The following PVT1 variants were observed in gnomAD, a reference collection of about 807,000 sequenced individuals.
PVT1 encodes Pvt1 oncogene.
intron 3 of PVT1, among the ~76,000 whole-genome samples, chr8:127,910,807 T>C (rs1466477767): frequency 9.9e-5 from 15 of 152,132 alleles, no homozygotes; most frequent in Admixed American, 9.8e-4. Context: ...CTGCTGAAAG[T>C]GGCTTGCTGG....
At chr8:127,827,914 G>A (rs910387032) in intron 2 of PVT1, among the ~76,000 whole-genome samples, 1 of 152,130 alleles carries the variant, frequency 6.6e-6, no homozygotes, top group Non-Finnish European at 1.5e-5. Context: ...CATCTGGTGA[G>A]CCAGGCTGTT....
chr8:128,096,001 A>C (rs1232013463), intron 5 of PVT1, among the ~76,000 whole-genome samples: 1 of 152,206 alleles, frequency 6.6e-6, no homozygotes, highest in Admixed American at 6.5e-5. Flanking sequence ...AATTGCTGGT[A>C]TATTCATTAG....
At chr8:127,953,265 G>A (rs1816528839) in intron 3 of PVT1, among the ~76,000 whole-genome samples, 2 of 152,140 alleles carry the variant, frequency 1.3e-5, no homozygotes, top group South Asian at 2.1e-4. Context: ...TCTGCTGGGA[G>A]ATCACCCTAC....
intron 4 of PVT1, among the ~76,000 whole-genome samples, chr8:128,041,397 G>C (rs1028602988): frequency 6.7e-6 from 1 of 148,744 alleles, no homozygotes; most frequent in Non-Finnish European, 1.5e-5. Flanking sequence ...GTATGTGTGT[G>C]TTTGTGTGCA....
chr8:127,972,987 C>T (rs904067809), intron 3 of PVT1, among the ~76,000 whole-genome samples: 2 of 152,146 alleles, frequency 1.3e-5, no homozygotes, highest in Non-Finnish European at 2.9e-5. Flanking sequence ...TCACTATAAC[C>T]TCGAACTACT....
chr8:128,043,093 A>T (rs1048913017), intron 4 of PVT1, among the ~76,000 whole-genome samples: 4 of 152,082 alleles, frequency 2.6e-5, no homozygotes, highest in Non-Finnish European at 4.4e-5. Context: ...AGGAGTGGGG[A>T]TGGGTCAATG....
At chr8:128,081,282 C>T (rs985376048) in intron 5 of PVT1, among the ~76,000 whole-genome samples, 2 of 152,184 alleles carry the variant, frequency 1.3e-5, no homozygotes, top group Admixed American at 6.5e-5. Flanking sequence ...GATTGTTTAT[C>T]TATTCACTTA....
intron 2 of PVT1, among the ~76,000 whole-genome samples, chr8:127,888,006 T>C (rs1312603543): frequency 1.5e-5 from 2 of 132,468 alleles, no homozygotes; most frequent in East Asian, 2.4e-4. Flanking sequence ...AGTGGCATGA[T>C]CTTGGCTCAC....
chr8:127,807,926 C>A (rs1300912171), intron 2 of PVT1, among the ~76,000 whole-genome samples: 3 of 151,832 alleles, frequency 2.0e-5, no homozygotes, highest in Non-Finnish European at 1.5e-5. Flanking sequence ...TGCTACCACG[C>A]CCGGTTAATT....
chr8:128,027,933 C>A (rs1813332990), intron 4 of PVT1, among the ~76,000 whole-genome samples: 1 of 152,210 alleles, frequency 6.6e-6, no homozygotes, highest in Non-Finnish European at 1.5e-5. Flanking sequence ...GTGGCTCATA[C>A]CTGAGGCCCC....
intron 3 of PVT1, among the ~76,000 whole-genome samples, chr8:127,944,459 C>G (rs1816395228): frequency 6.6e-6 from 1 of 152,120 alleles, no homozygotes; most frequent in Non-Finnish European, 1.5e-5. Context: ...AAAATGGGAA[C>G]AATAAGAGTA....
At chr8:128,071,049 G>A (rs915596147) in intron 5 of PVT1, among the ~76,000 whole-genome samples, 5 of 152,240 alleles carry the variant, frequency 3.3e-5, no homozygotes, top group East Asian at 1.9e-4. Flanking sequence ...CAGAAGCGGC[G>A]AGTCACTCAT....
At chr8:127,878,952 A>G (rs965098535) in intron 2 of PVT1, among the ~76,000 whole-genome samples, 1 of 152,198 alleles carries the variant, frequency 6.6e-6, no homozygotes, top group African/African-American at 2.4e-5. Flanking sequence ...ACAACTAGAC[A>G]CATTATCTAC....
rs192613832 is a variant in PVT1, at chr8:128,078,884, C to T, written n.1114+8523C>T. Among the ~76,000 whole-genome samples, 71 of 152,224 alleles carry T rather than the reference C, an allele frequency of 4.7e-4. 1 individual carries two copies. In the East Asian group the frequency reaches 0.012, roughly 26 times the overall value. ...CACTGCAGCCTCGACGTCCTGGGCT[C>T]AAGCAATTCTCCCACCTCAGCACCC... On this transcript the variant is annotated intron_variant and non_coding_transcript_variant, in intron 5 of 10. Coordinates refer to ENST00000651587, the Ensembl canonical transcript of PVT1.
chr8:127,926,877 G>A (rs1774889630), intron 3 of PVT1, among the ~76,000 whole-genome samples: 1 of 152,144 alleles, frequency 6.6e-6, no homozygotes, highest in Non-Finnish European at 1.5e-5. Context: ...GTTTTGTTTG[G>A]TTGGTTTTGA....
intron 2 of PVT1, among the ~76,000 whole-genome samples, chr8:127,821,466 G>T (rs1317975910): frequency 6.6e-6 from 1 of 152,136 alleles, no homozygotes; most frequent in Admixed American, 6.6e-5. Context: ...CATTAAAAAT[G>T]AATTTCACCT....
At chr8:127,815,949 C>T (rs1300305134) in intron 2 of PVT1, among the ~76,000 whole-genome samples, 2 of 152,102 alleles carry the variant, frequency 1.3e-5, no homozygotes, top group Non-Finnish European at 2.9e-5. Context: ...CATAGTGAAA[C>T]CCCGTCTCTA....
intron 3 of PVT1, among the ~76,000 whole-genome samples, chr8:127,966,869 G>A (rs779351082): frequency 6.6e-6 from 1 of 152,100 alleles, no homozygotes; most frequent in Non-Finnish European, 1.5e-5. Flanking sequence ...ACCTGCTGAC[G>A]GGGATATTAG....
intron 3 of PVT1, among the ~76,000 whole-genome samples, chr8:127,960,937 T>TGGGG (rs71566655): frequency 1.8e-4 from 4 of 22,020 alleles, no homozygotes; most frequent in Non-Finnish European, 4.8e-4. Flanking sequence ...TGTGTGTGTT[T>TGGGG]GGGGGTGGGG....
Sources: gnomAD v4.1 joint callset for allele counts (sites outside exome capture counted in the v4.1 genomes callset) on GRCh38, gnomAD v4.1.1 for gene constraint, MANE v1.5 for transcripts, NCBI Gene and HGNC (gene_info 2026-07-23, HGNC 2026-07-21) for gene names.